ANGPT1: variants seen among roughly 807,000 people sequenced by gnomAD.
ANGPT1 encodes the protein angiopoietin 1.
In ANGPT1, 17 loss-of-function variants were observed where a neutral mutation model predicts 62.2. The ratio of observed to expected loss-of-function variants is 0.27; its 90% CI spans 0.19 to 0.41. The LOEUF (loss-of-function observed/expected upper bound fraction) is 0.41, where lower values mean the gene tolerates loss of function less well. Ranked by LOEUF, ANGPT1 falls within the 10% of genes least tolerant of loss-of-function variation. The probability of loss-of-function intolerance (pLI) is 1.00; values close to 1 mark genes in which losing one functional copy is unlikely to be tolerated. For synonymous variants in ANGPT1, 199 were observed against 198.9 expected, an observed-to-expected ratio of 1.00 and a Z score of 0.00; for missense variants, 478 against 594.9, an observed-to-expected ratio of 0.80 and a Z score of 2.04.
intron 2 of ANGPT1, among the ~76,000 whole-genome samples, chr8:107,338,620 T>C (rs1815626755): frequency 6.6e-6 from 1 of 152,220 alleles, no homozygotes; most frequent in Admixed American, 6.5e-5. Context: ...GGTTTCAGCG[T>C]TTTAAAAAAC....
chr8:107,251,811 C>T lies in ANGPT1; in HGVS notation c.*44G>A, dbSNP rs372257552. The T allele has an allele frequency of 3.5e-5, 57 of 1,607,280 alleles. No homozygotes were observed. The highest frequency in any genetic ancestry group is 8.0e-5 in the African/African-American group (6 of 74,558). On this transcript the variant is annotated 3_prime_UTR_variant, in exon 9 of 9. Transcript: ENST00000517746. Reference sequence around the variant, plus strand: ...ACAGTTTCTCACCTGGCAGCTTCTCCGGATTTCTTTGTTGCTTTCATAATC... The same window carrying T: ...ACAGTTTCTCACCTGGCAGCTTCTCTGGATTTCTTTGTTGCTTTCATAATC...
intron 3 of ANGPT1, among the ~76,000 whole-genome samples, chr8:107,326,062 A>G: frequency 6.6e-6 from 1 of 152,132 alleles, no homozygotes; most frequent in East Asian, 1.9e-4. Context: ...CAGAACATTA[A>G]TTTTCATAAT....
intron 1 of ANGPT1, among the ~76,000 whole-genome samples, chr8:107,460,671 C>T (rs1009737173): frequency 1.4e-4 from 21 of 152,258 alleles, no homozygotes; most frequent in African/African-American, 4.8e-4. Flanking sequence ...AGTCAAATTG[C>T]TGCCTGCTTG....
chr8:107,457,853 CACACACACACACA>C (rs1811961223), intron 1 of ANGPT1, among the ~76,000 whole-genome samples: 4 of 150,504 alleles, frequency 2.7e-5, no homozygotes, highest in Admixed American at 1.3e-4. Flanking sequence ...CACACACACA[CACACACACACACA>C]CCAAGAGGGG....
chr8:107,407,183 T>C (rs1354890484), intron 1 of ANGPT1, among the ~76,000 whole-genome samples: 1 of 152,066 alleles, frequency 6.6e-6, no homozygotes, highest in East Asian at 1.9e-4. Flanking sequence ...ATGAATGAGA[T>C]TGTTCTATGT....
chr8:107,403,606 A>G (rs1356838430), intron 1 of ANGPT1, among the ~76,000 whole-genome samples: 2 of 152,142 alleles, frequency 1.3e-5, no homozygotes, highest in African/African-American at 4.8e-5. Context: ...CAAAATATAT[A>G]CACCAAAATG....
intron 1 of ANGPT1, among the ~76,000 whole-genome samples, chr8:107,409,731 A>G (rs989332199): frequency 6.9e-6 from 1 of 144,930 alleles, no homozygotes; most frequent in African/African-American, 2.5e-5. Context: ...TTTTTTTTTG[A>G]AGACTTTTCT....
rs1291547870 is a variant in ANGPT1 at position 107,497,615 on chromosome 8, C to T, written c.-57G>A. On this transcript the variant is annotated 5_prime_UTR_variant, in exon 1 of 9. Coordinates refer to ENST00000517746, the MANE Select transcript of ANGPT1 (RefSeq NM_001146.5). Reference sequence around the variant, plus strand: ...CGCAAAACTTGCTCCTTTCTTCTGACCTCTAAAACTAGTTCTTTATTTCAG... The same window carrying T: ...CGCAAAACTTGCTCCTTTCTTCTGATCTCTAAAACTAGTTCTTTATTTCAG... The T allele has an allele frequency of 4.6e-6, 7 of 1,523,636 alleles. No homozygotes were observed. The highest frequency in any genetic ancestry group is 6.2e-6 in the Non-Finnish European group (7 of 1,127,156). The allele number at this position is 1,523,636 out of a possible 1,614,324, so 94.4% of individuals were successfully genotyped here. A position where few individuals can be genotyped will look rare whatever the true frequency, so the allele number is the denominator to read the frequency against.
chr8:107,330,978 A>C (rs1283404503), intron 3 of ANGPT1, among the ~76,000 whole-genome samples: 2 of 152,180 alleles, frequency 1.3e-5, no homozygotes, highest in Non-Finnish European at 2.9e-5. Flanking sequence ...TTACAAGAAA[A>C]AGACTAGAAT....
chr8:107,377,987 T>C (rs890174226), intron 1 of ANGPT1, among the ~76,000 whole-genome samples: 2 of 152,182 alleles, frequency 1.3e-5, no homozygotes. Context: ...CAGCTTAAGA[T>C]ATCCAAATGA....
intron 1 of ANGPT1, among the ~76,000 whole-genome samples, chr8:107,356,788 G>A (rs964935909): frequency 1.3e-5 from 2 of 152,176 alleles, no homozygotes; most frequent in African/African-American, 4.8e-5. Flanking sequence ...AGAAGCAACA[G>A]CATACCATTA....
rs552137563 is a variant in ANGPT1, at chr8:107,258,592, G to A, written c.1336+5629C>T. 1.4e-4 allele frequency among the ~76,000 whole-genome samples: 22 copies of A among 152,152 alleles called. No individual in the cohort carries two copies. The South Asian group carries it at 2.9e-3, about 20-fold the overall frequency. Reference sequence around the variant, plus strand: ...TCCAAACTTATAAAAGACATTTTCTGATACTCTTTGCTCTTTTTCTAAGAA... The same window carrying A: ...TCCAAACTTATAAAAGACATTTTCTAATACTCTTTGCTCTTTTTCTAAGAA... On this transcript the variant is annotated intron_variant, in intron 8 of 8. Coordinates refer to ENST00000517746, the MANE Select transcript of ANGPT1 (RefSeq NM_001146.5).
intron 1 of ANGPT1, among the ~76,000 whole-genome samples, chr8:107,396,317 T>G (rs1816931902): frequency 6.6e-6 from 1 of 152,112 alleles, no homozygotes; most frequent in South Asian, 2.1e-4. Flanking sequence ...TTTTGGCCCT[T>G]GTAGATATTG....
At chr8:107,322,813 A>G in intron 3 of ANGPT1, 1 of 249,192 alleles carries the variant, frequency 4.0e-6, no homozygotes, top group South Asian at 4.4e-5. Flanking sequence ...ACAGCAATAT[A>G]CATTCTCAAT....
chr8:107,272,836 T>G (rs987721751), intron 7 of ANGPT1, among the ~76,000 whole-genome samples: 1 of 151,318 alleles, frequency 6.6e-6, no homozygotes, highest in Non-Finnish European at 1.5e-5. Flanking sequence ...TGTTTTTAGT[T>G]CAAAATAAGA....
At chr8:107,270,611 A>G (rs879436015) in intron 7 of ANGPT1, among the ~76,000 whole-genome samples, 43 of 152,012 alleles carry the variant, frequency 2.8e-4, no homozygotes, top group Non-Finnish European at 4.7e-4. Context: ...GAGGGATGTC[A>G]GAGCATGTAT....
At position 107,448,996 on chromosome 8, in the gene ANGPT1, T is replaced by C. The variant is rs1209259402; in HGVS notation, c.297+48266A>G. On this transcript the variant is annotated intron_variant, in intron 1 of 8. Coordinates refer to ENST00000517746, the MANE Select transcript of ANGPT1 (RefSeq NM_001146.5). ...GTCTGACTCATTGTTGGGGGAGTGA[T>C]GGCAGAGGACATAGGAGATATCAGT... is the stretch of plus-strand genomic sequence containing the variant. 2.6e-5 allele frequency among the ~76,000 whole-genome samples: 4 copies of C among 152,064 alleles called. No individual in the cohort carries two copies. The East Asian group carries it at 7.7e-4, about 29-fold the overall frequency.
chr8:107,463,189 G>T (rs1812116067), intron 1 of ANGPT1, among the ~76,000 whole-genome samples: 1 of 152,082 alleles, frequency 6.6e-6, no homozygotes, highest in Admixed American at 6.6e-5. Context: ...TGTTGGAGAG[G>T]CCCATATGGC....
chr8:107,293,798 A>C (rs934058802), intron 6 of ANGPT1, 138 bp downstream of exon 6: 1 of 614,518 alleles, frequency 1.6e-6, no homozygotes, highest in Non-Finnish European at 2.8e-6. Context: ...TTTGTGTCTA[A>C]TGAAAATAAT....
Sources: allele counts gnomAD v4.1 joint callset (sites outside exome capture counted in the v4.1 genomes callset), GRCh38; gene constraint gnomAD v4.1.1; transcripts MANE v1.5; gene names NCBI Gene and HGNC (gene_info 2026-07-23, HGNC 2026-07-21).